FAAH2: variants seen among roughly 807,000 people sequenced by gnomAD.
FAAH2 encodes fatty acid amide hydrolase 2.
In FAAH2, 60 loss-of-function variants were observed where a neutral mutation model predicts 36.9. The observed-to-expected ratio is 1.63, with a 90% confidence interval of 1.32 to 2.02. The LOEUF is 2.02. Ranked by LOEUF, FAAH2 falls within the 30% of genes most tolerant of loss-of-function variation. The probability of loss-of-function intolerance (pLI) is 0.00; values close to 1 mark genes in which losing one functional copy is unlikely to be tolerated. For missense variants in FAAH2, 689 were observed against 397.5 expected, an observed-to-expected ratio of 1.73 and a Z score of -6.23; for synonymous variants, 214 against 143.8, an observed-to-expected ratio of 1.49 and a Z score of -3.49.
intron 2 of FAAH2, among the ~76,000 whole-genome samples, chrX:57,295,054 C>T (rs1011471327): frequency 2.7e-5 from 3 of 111,952 alleles, no homozygotes; most frequent in African/African-American, 9.7e-5. Context: ...AATCTAGGAG[C>T]TCAAAGGAAA....
In FAAH2 at chrX:57,324,956, G is replaced by A. The variant is rs183177626; in HGVS notation, c.413-6642G>A. ...AATACTTCCAGTTTTTGCCCATTCAGTATGATATTGGCTGTGGGTTTGTCA... is the reference window on the plus strand; with the variant it reads ...AATACTTCCAGTTTTTGCCCATTCAATATGATATTGGCTGTGGGTTTGTCA... On this transcript the variant is annotated intron_variant, in intron 3 of 10. Coordinates refer to ENST00000374900, the MANE Select transcript of FAAH2 (RefSeq NM_174912.4). 4.1e-3 allele frequency among the ~76,000 whole-genome samples: 463 copies of A among 112,180 alleles called. 3 individuals are homozygous for A. The highest frequency in any genetic ancestry group is 0.014 in the African/African-American group (444 of 30,863).
At chrX:57,437,425 G>C (rs2056432079) in intron 8 of FAAH2, among the ~76,000 whole-genome samples, 1 of 110,299 alleles carries the variant, frequency 9.1e-6, no homozygotes, top group Non-Finnish European at 1.9e-5. Flanking sequence ...AACTGGAAAA[G>C]AGGAAGTGAA....
intron 5 of FAAH2, among the ~76,000 whole-genome samples, chrX:57,373,485 G>C (rs952216179): frequency 7.2e-5 from 8 of 110,560 alleles, no homozygotes; most frequent in Non-Finnish European, 1.5e-4. Flanking sequence ...TAGTGAAATT[G>C]AGCATTTTTT....
At chrX:57,411,112 A>C (rs1252456252) in intron 7 of FAAH2, among the ~76,000 whole-genome samples, 1 of 111,759 alleles carries the variant, frequency 8.9e-6, no homozygotes, top group East Asian at 2.8e-4. Context: ...GCCCAGCCAG[A>C]TATTCTGGGA....
chrX:57,337,152 G>GA (rs1046130836), intron 4 of FAAH2, among the ~76,000 whole-genome samples: 1 of 105,845 alleles, frequency 9.4e-6, no homozygotes, highest in African/African-American at 3.5e-5. Context: ...AGAAGAAATG[G>GA]AAAAAAATTC....
chrX:57,419,312 G>C (rs751662376), intron 7 of FAAH2, among the ~76,000 whole-genome samples: 21 of 110,740 alleles, frequency 1.9e-4, no homozygotes, highest in African/African-American at 6.2e-4. Flanking sequence ...CACAATGGTT[G>C]AACTAGTTTA....
intron 6 of FAAH2, among the ~76,000 whole-genome samples, chrX:57,380,022 A>G (rs1280603000): frequency 9.0e-6 from 1 of 110,567 alleles, no homozygotes; most frequent in Non-Finnish European, 1.9e-5. Flanking sequence ...GGGCTACATG[A>G]GATATTTTGA....
intron 7 of FAAH2, among the ~76,000 whole-genome samples, chrX:57,390,365 T>G (rs1220504318): frequency 9.0e-6 from 1 of 111,551 alleles, no homozygotes; most frequent in Non-Finnish European, 1.9e-5. Flanking sequence ...ATTGAAAGGG[T>G]ACTTGTGCAT....
At chrX:57,399,171 T>C (rs1056413700) in intron 7 of FAAH2, among the ~76,000 whole-genome samples, 1 of 111,498 alleles carries the variant, frequency 9.0e-6, no homozygotes, top group African/African-American at 3.3e-5. Context: ...AGGTTAAAGA[T>C]ACAGGGATTG....
chrX:57,407,798 C>T (rs764774327), intron 7 of FAAH2, among the ~76,000 whole-genome samples: 13 of 111,928 alleles, frequency 1.2e-4, no homozygotes, highest in African/African-American at 3.9e-4. Context: ...ATGTTTAAAT[C>T]TTCGATCCAT....
intron 7 of FAAH2, chrX:57,392,505 A>G: frequency 1.4e-6 from 1 of 716,871 alleles, no homozygotes. Flanking sequence ...GACATCCGGG[A>G]AAACTCCTAC....
chrX:57,435,181 A>G (rs2056384051), intron 8 of FAAH2, among the ~76,000 whole-genome samples: 1 of 111,856 alleles, frequency 8.9e-6, no homozygotes, highest in African/African-American at 3.2e-5. Context: ...TCATTAACAT[A>G]TAAAACTCAA....
At chrX:57,344,795 G>A (rs934112734) in intron 5 of FAAH2, among the ~76,000 whole-genome samples, 1 of 111,156 alleles carries the variant, frequency 9.0e-6, no homozygotes, top group African/African-American at 3.3e-5. Flanking sequence ...TTATCATGAA[G>A]GAATGTTTGA....
intron 4 of FAAH2, among the ~76,000 whole-genome samples, chrX:57,335,150 C>A (rs922353002): frequency 8.9e-6 from 1 of 112,136 alleles, no homozygotes; most frequent in Non-Finnish European, 1.9e-5. Flanking sequence ...AACAAACAGT[C>A]TCTCAGATTA....
the FAAH2 span, among the ~76,000 whole-genome samples, chrX:57,254,946 A>G: frequency 3.0e-4 from 33 of 111,689 alleles, no homozygotes; most frequent in Non-Finnish European, 5.5e-4. Flanking sequence ...GGAGATTGAG[A>G]CACAAAAAAA....
chrX:57,384,030 G>A (rs370600010), intron 7 of FAAH2, among the ~76,000 whole-genome samples: 3 of 111,600 alleles, frequency 2.7e-5, no homozygotes, highest in Non-Finnish European at 5.7e-5. Flanking sequence ...CACATCTACA[G>A]CTATCTGATC....
chrX:57,483,316 C>G (rs184688955), intron 10 of FAAH2, among the ~76,000 whole-genome samples: 2 of 111,118 alleles, frequency 1.8e-5, no homozygotes, highest in African/African-American at 6.5e-5. Flanking sequence ...TTAAAGTGTT[C>G]AACTTTATTT....
intron 7 of FAAH2, among the ~76,000 whole-genome samples, chrX:57,396,449 T>G (rs1319635079): frequency 9.1e-6 from 1 of 109,377 alleles, no homozygotes; most frequent in Admixed American, 9.8e-5. Context: ...GATTTTTCTC[T>G]CTTTTGGATG....
the FAAH2 span, among the ~76,000 whole-genome samples, chrX:57,189,766 T>C: frequency 8.5e-4 from 95 of 111,624 alleles, no homozygotes; most frequent in Non-Finnish European, 1.6e-3. Flanking sequence ...GGAAGCTTCA[T>C]CCCAGAGGGG....
Sources: gnomAD v4.1 joint callset for allele counts (sites outside exome capture counted in the v4.1 genomes callset) on GRCh38, gnomAD v4.1.1 for gene constraint, MANE v1.5 for transcripts, NCBI Gene and HGNC (gene_info 2026-07-23, HGNC 2026-07-21) for gene names.